FBN2: variants seen among roughly 807,000 people sequenced by gnomAD.
FBN2 encodes the protein fibrillin-2.
Under a neutral mutation model 355.6 loss-of-function variants are expected in FBN2, and 105 were observed. The observed-to-expected ratio is 0.30, with a 90% CI of 0.25 to 0.35. FBN2 has a LOEUF of 0.35. FBN2 is among the 10% of genes least tolerant of loss of function. FBN2 has a pLI of 1.00. For missense variants in FBN2, 3,280 were observed against 3,758.7 expected (o/e 0.87, Z 3.33); for synonymous variants, 1,350 against 1,301.2 (o/e 1.04, Z -0.81).
chr5:128,290,599 G>C (rs1252427844), intron 50 of FBN2, 133 bp downstream of exon 50: 1 of 922,934 alleles, frequency 1.1e-6, no homozygotes, highest in Non-Finnish European at 1.8e-6. Flanking sequence ...GTTGTTCAAT[G>C]AACCATCAAA....
chr5:128,303,334 ACATAGCCTAAGAGAG>A (rs1475859288), intron 45 of FBN2, among the ~76,000 whole-genome samples: 1 of 152,176 alleles, frequency 6.6e-6, no homozygotes, highest in Non-Finnish European at 1.5e-5. Flanking sequence ...CAATACTCAG[ACATAGCCTAAGAGAG>A]CATCCCCCTA....
chr5:128,410,396 AAAAAG>A (rs1426651024), intron 7 of FBN2, among the ~76,000 whole-genome samples: 1 of 152,182 alleles, frequency 6.6e-6, no homozygotes, highest in African/African-American at 2.4e-5. Flanking sequence ...TAAGGAAGAG[AAAAAG>A]AAAAGAAAGA....
At chr5:128,505,830 C>T (rs1487052951) in intron 5 of FBN2, among the ~76,000 whole-genome samples, 1 of 151,928 alleles carries the variant, frequency 6.6e-6, no homozygotes, top group Non-Finnish European at 1.5e-5. Flanking sequence ...ATAAATATTC[C>T]GTTGTATGCA....
rs893101865 is a variant in FBN2 at position 128,537,732 on chromosome 5, G to A, written c.-129C>T. 3.3e-6 allele frequency: 3 copies of A among 917,714 alleles called. No individual in the cohort carries two copies. The highest frequency in any genetic ancestry group is 1.5e-5 in the South Asian group (1 of 68,254). 56.8% of individuals were successfully genotyped at this position (917,714 alleles called of 1,614,324 possible). Reference sequence around the variant, plus strand: ...CGGCTCCGGGGACTCCCTCGGGCTCGGGCTCCCTGCTCTAGCTGGAGACCT... The same window carrying A: ...CGGCTCCGGGGACTCCCTCGGGCTCAGGCTCCCTGCTCTAGCTGGAGACCT... On this transcript the variant is annotated 5_prime_UTR_variant, in exon 1 of 65. Transcript: ENST00000262464.
Position 128,390,127 on chromosome 5 carries a change from G to A in FBN2, c.1603+1891C>T, listed in dbSNP as rs148453100. On this transcript the variant is annotated intron_variant, in intron 11 of 64. Coordinates refer to ENST00000262464, the MANE Select transcript of FBN2 (RefSeq NM_001999.4). The stretch of plus-strand genomic sequence containing the variant: ...TCCTGATGGTCTCTTCTTTCACCAC[G>A]TTGCTAGCATACAGATCACAGTTAC... 1.3e-3 allele frequency among the ~76,000 whole-genome samples: 193 copies of A among 152,092 alleles called. 1 individual carries two copies. Among genetic ancestry groups the A allele is most frequent in the African/African-American group, 4.1e-3 (172 of 41,474 alleles).
intron 5 of FBN2, among the ~76,000 whole-genome samples, chr5:128,506,067 G>T (rs1248025782): frequency 6.6e-6 from 1 of 152,168 alleles, no homozygotes; most frequent in African/African-American, 2.4e-5. Flanking sequence ...AAAAATGGTT[G>T]TACCATGTAC....
chr5:128,364,472 T>A, intron 18 of FBN2, 128 bp downstream of exon 18: 1 of 951,202 alleles, frequency 1.1e-6, no homozygotes, highest in South Asian at 1.6e-5. Context: ...CCTGTCAATG[T>A]GTAATATGAA....
chr5:128,400,186 C>T (rs1752760212), intron 8 of FBN2, among the ~76,000 whole-genome samples: 1 of 149,944 alleles, frequency 6.7e-6, no homozygotes, highest in Admixed American at 6.6e-5. Context: ...TTTTGTGATA[C>T]AAAACAAACC....
Position 128,286,699 on chromosome 5 carries a change from A to ACCT in FBN2, c.7012+16_7012+18dup. 6.2e-7 allele frequency: 1 copy of ACCT among 1,613,642 alleles called. No individual in the cohort carries two copies. On this transcript the variant is annotated intron_variant, in intron 55 of 64. Transcript: ENST00000262464. ...GAGTGGAGGCATTACATAAGCAGAC[A>ACCT]CCTTCCCTTACCGCTTACCTACACA... is the stretch of plus-strand genomic sequence containing the variant.
chr5:128,326,364 C>G (rs976671072), intron 34 of FBN2, among the ~76,000 whole-genome samples: 9 of 152,102 alleles, frequency 5.9e-5, no homozygotes, highest in Non-Finnish European at 1.3e-4. Context: ...TTGCTCTCTC[C>G]TCAGAAATTA....
At position 128,270,559 on chromosome 5, in the gene FBN2, C is replaced by T. The variant is rs143626997; in HGVS notation, c.7960+1440G>A. Among the ~76,000 whole-genome samples, 58 of 152,088 alleles carry T rather than the reference C, an allele frequency of 3.8e-4. No homozygotes were observed. The East Asian group carries it at 7.8e-3, about 20-fold the overall frequency. ...AATAAAAAATCCCTGAAGAAAACGT[C>T]GGCAATATCATCATTCAGGACACAG... On this transcript the variant is annotated intron_variant, in intron 62 of 64. Transcript: ENST00000262464.
chr5:128,312,819 C>G, intron 36 of FBN2, 24 bp from the exon 37 acceptor site: 1 of 1,612,706 alleles, frequency 6.2e-7, no homozygotes. Flanking sequence ...AAGGAGCTTA[C>G]AGTTGCCCTT....
intron 5 of FBN2, among the ~76,000 whole-genome samples, chr5:128,492,239 T>G (rs1354825015): frequency 6.6e-6 from 1 of 152,200 alleles, no homozygotes; most frequent in Non-Finnish European, 1.5e-5. Context: ...ATAGTTTTAT[T>G]ACTCACTATA....
Position 128,332,914 on chromosome 5 carries a change from A to G in FBN2, c.4220T>C (p.Ile1407Thr). The stretch of plus-strand genomic sequence containing the variant: ...GATATTTACATTTGCAAACTCACCA[A>G]TACACTTGATGCCGTTTCCAATCCA... ...EGWIGNGIKC[I>T]DLDECSNGTH... Residue 1407 changes from isoleucine to threonine, a missense_variant and splice_region_variant, in exon 32 of 65, where the codon ATT becomes ACT. Physicochemically the swap from Ile to Thr is moderately conservative, Grantham distance 89 (BLOSUM62 -1). Coordinates refer to ENST00000262464, the MANE Select transcript of FBN2 (RefSeq NM_001999.4). 1 of 1,613,928 alleles carries G rather than the reference A, an allele frequency of 6.2e-7. No individual in the cohort carries two copies. The highest frequency in any genetic ancestry group is 8.5e-7 in the Non-Finnish European group (1 of 1,179,846).
chr5:128,327,812 AT>A (rs1337095134), intron 34 of FBN2, among the ~76,000 whole-genome samples: 1 of 151,812 alleles, frequency 6.6e-6, no homozygotes, highest in Admixed American at 6.6e-5. Context: ...CTAATTTTGT[AT>A]TTTTAGTAGA....
At chr5:128,472,432 C>T (rs571502695) in intron 5 of FBN2, among the ~76,000 whole-genome samples, 2 of 152,242 alleles carry the variant, frequency 1.3e-5, no homozygotes, top group East Asian at 3.9e-4. Flanking sequence ...AAAAAGACTT[C>T]TGTGGATGGA....
intron 31 of FBN2, among the ~76,000 whole-genome samples, chr5:128,333,489 G>A (rs1750747464): frequency 6.6e-6 from 1 of 151,714 alleles, no homozygotes; most frequent in South Asian, 2.1e-4. Flanking sequence ...AAAAGTAATA[G>A]TTTATTCTCT....
At chr5:128,525,136 C>A (rs1756530802) in intron 4 of FBN2, among the ~76,000 whole-genome samples, 1 of 152,146 alleles carries the variant, frequency 6.6e-6, no homozygotes, top group Admixed American at 6.5e-5. Flanking sequence ...CTGAAGACAG[C>A]TAATTTCAGG....
intron 63 of FBN2, among the ~76,000 whole-genome samples, chr5:128,263,177 A>G (rs1765019661): frequency 6.6e-6 from 1 of 152,214 alleles, no homozygotes; most frequent in Admixed American, 6.5e-5. Context: ...GGCCCTTAAT[A>G]AGAGGAGCAA....
Sources: allele counts gnomAD v4.1 joint callset (sites outside exome capture counted in the v4.1 genomes callset), GRCh38; gene constraint gnomAD v4.1.1; transcripts MANE v1.5; gene names NCBI Gene and HGNC (gene_info 2026-07-23, HGNC 2026-07-21).